PARD3: variants seen among roughly 807,000 people sequenced by gnomAD.
PARD3 encodes partitioning defective 3 homolog.
In PARD3, 75 loss-of-function variants were observed where a neutral mutation model predicts 155.4. The observed-to-expected ratio is 0.48, with a 90% CI of 0.40 to 0.58. The LOEUF (loss-of-function observed/expected upper bound fraction) is 0.58. Among genes scored for constraint, PARD3 ranks in the 20% least tolerant of loss-of-function variants. The pLI, the probability that PARD3 is intolerant of heterozygous loss-of-function variation, is 0.00. For missense variants in PARD3, 1,642 were observed against 1,721.7 expected (o/e 0.95, Z 0.82); for synonymous variants, 576 against 610.5 (o/e 0.94, Z 0.83).
chr10:34,445,523 A>G (rs949901399), intron 5 of PARD3, among the ~76,000 whole-genome samples: 13 of 152,218 alleles, frequency 8.5e-5, no homozygotes, highest in African/African-American at 3.1e-4. Flanking sequence ...GTACCTTCTC[A>G]GTCCACATAG....
chr10:34,217,537 G>C (rs985242366), intron 22 of PARD3, among the ~76,000 whole-genome samples: 2 of 152,226 alleles, frequency 1.3e-5, no homozygotes, highest in Non-Finnish European at 2.9e-5. Flanking sequence ...TAAGGAAATG[G>C]GGGGCCGGTG....
chr10:34,518,576 G>T (rs2081935349), intron 2 of PARD3, among the ~76,000 whole-genome samples: 1 of 152,184 alleles, frequency 6.6e-6, no homozygotes, highest in East Asian at 1.9e-4. Context: ...AATCATACTG[G>T]CATTGGATCA....
At chr10:34,247,581 A>T (rs1489714370) in intron 22 of PARD3, among the ~76,000 whole-genome samples, 1 of 152,210 alleles carries the variant, frequency 6.6e-6, no homozygotes, top group African/African-American at 2.4e-5. Context: ...AAGAATTTTT[A>T]AAAAGATGCT....
intron 2 of PARD3, among the ~76,000 whole-genome samples, chr10:34,660,239 T>C (rs1590465271): frequency 6.6e-6 from 1 of 152,254 alleles, no homozygotes; most frequent in African/African-American, 2.4e-5. Flanking sequence ...CAACTCCAAT[T>C]ATTGGGAGAA....
intron 2 of PARD3, among the ~76,000 whole-genome samples, chr10:34,560,360 T>C (rs1264354127): frequency 1.3e-5 from 2 of 152,164 alleles, no homozygotes; most frequent in East Asian, 3.9e-4. Context: ...AAGTTAACGA[T>C]ACCATAGATA....
intron 22 of PARD3, among the ~76,000 whole-genome samples, chr10:34,205,507 C>G (rs1223218292): frequency 6.6e-6 from 1 of 152,152 alleles, no homozygotes; most frequent in Non-Finnish European, 1.5e-5. Context: ...TTTCAGAAGT[C>G]AAATCCACAA....
intron 22 of PARD3, among the ~76,000 whole-genome samples, chr10:34,214,447 G>A (rs372708393): frequency 2.0e-5 from 3 of 152,124 alleles, no homozygotes; most frequent in African/African-American, 4.8e-5. Flanking sequence ...CATAAGCAAC[G>A]TGGGGTGGTG....
intron 22 of PARD3, among the ~76,000 whole-genome samples, chr10:34,232,867 A>G (rs905550309): frequency 2.0e-5 from 3 of 151,808 alleles, no homozygotes; most frequent in South Asian, 2.1e-4. Context: ...CGTGTGGCTA[A>G]TTTTTTAATT....
chr10:34,227,361 C>T (rs1018527875), intron 22 of PARD3, among the ~76,000 whole-genome samples: 9 of 152,318 alleles, frequency 5.9e-5, no homozygotes, highest in African/African-American at 7.2e-5. Context: ...CAAGGCTGGG[C>T]GCTGTGGCTC....
chr10:34,711,506 C>T (rs564954597), intron 1 of PARD3, among the ~76,000 whole-genome samples: 4 of 152,276 alleles, frequency 2.6e-5, no homozygotes, highest in Admixed American at 2.0e-4. Flanking sequence ...GGGCACAGGG[C>T]GAGACTCTGT....
At chr10:34,702,333 G>T (rs1235946976) in intron 1 of PARD3, among the ~76,000 whole-genome samples, 1 of 151,980 alleles carries the variant, frequency 6.6e-6, no homozygotes, top group East Asian at 1.9e-4. Flanking sequence ...TCCAGCCTGG[G>T]CACAGTAAGA....
At chr10:34,449,270 A>G (rs1019381215) in intron 5 of PARD3, among the ~76,000 whole-genome samples, 9 of 151,786 alleles carry the variant, frequency 5.9e-5, no homozygotes, top group Admixed American at 3.9e-4. Flanking sequence ...ATATATAAAA[A>G]CCTCATACTG....
chr10:34,609,496 T>C (rs750841572), intron 2 of PARD3, among the ~76,000 whole-genome samples: 9 of 152,058 alleles, frequency 5.9e-5, no homozygotes, highest in Non-Finnish European at 1.3e-4. Flanking sequence ...ACAGAGCCAG[T>C]TGGTTAAGGA....
intron 20 of PARD3, among the ~76,000 whole-genome samples, chr10:34,295,139 T>A (rs757453292): frequency 1.3e-5 from 2 of 152,204 alleles, no homozygotes; most frequent in Admixed American, 1.3e-4. Flanking sequence ...CTCTTTGTGC[T>A]GTGGTTTCTC....
chr10:34,313,100 T>A (rs1589143756), intron 20 of PARD3, among the ~76,000 whole-genome samples: 1 of 152,200 alleles, frequency 6.6e-6, no homozygotes, highest in African/African-American at 2.4e-5. Context: ...AAGTACATAC[T>A]CAATTTCCTC....
chr10:34,717,719 A>G (rs1340343535), intron 1 of PARD3, among the ~76,000 whole-genome samples: 1 of 152,156 alleles, frequency 6.6e-6, no homozygotes, highest in Non-Finnish European at 1.5e-5. Flanking sequence ...GTACTCTGAC[A>G]GCAGCTGGGG....
At chr10:34,116,442 A>G (rs1215348503) in intron 24 of PARD3, among the ~76,000 whole-genome samples, 1 of 152,232 alleles carries the variant, frequency 6.6e-6, no homozygotes, top group East Asian at 1.9e-4. Context: ...AGAATATCAC[A>G]TGTCAGAAAC....
At chr10:34,778,504 A>C (rs1456003079) in intron 1 of PARD3, among the ~76,000 whole-genome samples, 1 of 152,208 alleles carries the variant, frequency 6.6e-6, no homozygotes, top group African/African-American at 2.4e-5. Context: ...AAATGCAGCA[A>C]CAATCAGGCC....
chr10:34,186,466 C>A (rs963734419), intron 22 of PARD3, among the ~76,000 whole-genome samples: 2 of 152,064 alleles, frequency 1.3e-5, no homozygotes, highest in Non-Finnish European at 2.9e-5. Context: ...CCATTGTACC[C>A]TAATGGTTCC....
Sources: allele counts gnomAD v4.1 joint callset (sites outside exome capture counted in the v4.1 genomes callset), GRCh38; gene constraint gnomAD v4.1.1; transcripts MANE v1.5; gene names NCBI Gene and HGNC (gene_info 2026-07-23, HGNC 2026-07-21).